The following FAM13A variants were observed in gnomAD, a reference collection of about 807,000 sequenced individuals.
The protein encoded by FAM13A is family with sequence similarity 13 member A.
In FAM13A, 76 loss-of-function variants were observed where a neutral mutation model predicts 129.6. That is an observed-to-expected ratio of 0.59 (90% CI 0.49 to 0.71). FAM13A has a LOEUF of 0.71. Among genes scored for constraint, FAM13A ranks in the 30% least tolerant of loss-of-function variants. The pLI is 0.00. For synonymous variants in FAM13A, 443 were observed against 449.9 expected (o/e 0.98, Z 0.20); for missense variants, 1,108 against 1,249.3 (o/e 0.89, Z 1.70).
chr4:88,878,026 C>A (rs564736752), intron 6 of FAM13A, among the ~76,000 whole-genome samples: 79 of 152,186 alleles, frequency 5.2e-4, no homozygotes, highest in African/African-American at 1.5e-3. Flanking sequence ...CGGTGGCTCA[C>A]GCCTGTAATC....
chr4:89,054,537 C>T (rs955422041), intron 1 of FAM13A, among the ~76,000 whole-genome samples: 1 of 152,092 alleles, frequency 6.6e-6, no homozygotes, highest in African/African-American at 2.4e-5. Context: ...CTCTCTCTGC[C>T]TTTCCACTCT....
At chr4:88,840,532 G>C (rs1431697936) in intron 7 of FAM13A, among the ~76,000 whole-genome samples, 1 of 152,082 alleles carries the variant, frequency 6.6e-6, no homozygotes. Flanking sequence ...GAGACTCAGA[G>C]TACACATACA....
chr4:88,976,253 T>G lies in FAM13A; in HGVS notation c.605+14720A>C, dbSNP rs190334237. Among the ~76,000 whole-genome samples the G allele has an allele frequency of 4.5e-3, 679 of 152,298 alleles. 4 individuals are homozygous for G. The highest frequency in any genetic ancestry group is 0.01 in the Middle Eastern group (3 of 294). ...ACTATATATCTCTCCTGATGACCATTAACTGCCAGGCAGATGTTATTGCTT... is the reference window on the plus strand; with the variant it reads ...ACTATATATCTCTCCTGATGACCATGAACTGCCAGGCAGATGTTATTGCTT... On this transcript the variant is annotated intron_variant, in intron 4 of 23. Transcript: ENST00000264344.
At chr4:88,906,331 C>A (rs377397292) in intron 6 of FAM13A, 48 bp downstream of exon 6, 1 of 1,204,798 alleles carries the variant, frequency 8.3e-7, no homozygotes, top group Non-Finnish European at 1.2e-6. Context: ...AAACAAAGAA[C>A]CATGCTAAAG....
chr4:88,854,564 T>C (rs1422408674), intron 6 of FAM13A, among the ~76,000 whole-genome samples: 2 of 152,246 alleles, frequency 1.3e-5, no homozygotes, highest in Admixed American at 1.3e-4. Flanking sequence ...TTTGATCATT[T>C]AGTAACTTTT....
chr4:88,732,259 C>A, intron 21 of FAM13A, 61 bp from the exon 22 acceptor site: 3 of 1,203,390 alleles, frequency 2.5e-6, no homozygotes, highest in Non-Finnish European at 3.6e-6. Context: ...ACTTTCATTA[C>A]AAGTATCATT....
At chr4:88,854,223 G>A (rs73845470) in intron 6 of FAM13A, among the ~76,000 whole-genome samples, 31 of 152,210 alleles carry the variant, frequency 2.0e-4, no homozygotes, top group African/African-American at 7.0e-4. Flanking sequence ...TATTCTAATC[G>A]AGGGGAAGAC....
chr4:88,830,141 T>G (rs1456354160), intron 7 of FAM13A, among the ~76,000 whole-genome samples: 1 of 151,874 alleles, frequency 6.6e-6, no homozygotes, highest in African/African-American at 2.4e-5. Context: ...ACAGTTGAAG[T>G]GGGGGAAGGA....
At position 88,760,603 on chromosome 4, in the gene FAM13A, C is replaced by CAA. The variant is rs745711965; in HGVS notation, c.1579-1704_1579-1703dup. 6.4e-4 allele frequency among the ~76,000 whole-genome samples: 42 copies of CAA among 65,838 alleles called. 10 individuals carry two copies. The highest frequency in any genetic ancestry group is 2.8e-3 in the African/African-American group (28 of 10,034). 43.2% of individuals were successfully genotyped at this position (65,838 alleles called of 152,430 possible). On this transcript the variant is annotated intron_variant, in intron 13 of 23. Coordinates refer to ENST00000264344, the MANE Select transcript of FAM13A (RefSeq NM_014883.4). Reference sequence around the variant, plus strand: ...TGGGCGACAGAGCGAGACTCCGTCTCAAAAAAAAAAAAAAAAAAAAAAAAA... The same window carrying CAA: ...TGGGCGACAGAGCGAGACTCCGTCTCAAAAAAAAAAAAAAAAAAAAAAAAAAA...
chr4:88,883,744 A>G (rs1743970438), intron 6 of FAM13A, among the ~76,000 whole-genome samples: 3 of 152,178 alleles, frequency 2.0e-5, no homozygotes, highest in African/African-American at 7.2e-5. Context: ...CAAAACATAA[A>G]TAAAATTGAT....
intron 3 of FAM13A, among the ~76,000 whole-genome samples, chr4:89,002,766 G>A (rs1764431383): frequency 6.6e-6 from 1 of 152,054 alleles, no homozygotes; most frequent in African/African-American, 2.4e-5. Flanking sequence ...ACAGAGAAAA[G>A]AAGAAAACTT....
chr4:88,912,303 A>G (rs1025596333), intron 5 of FAM13A, among the ~76,000 whole-genome samples: 1 of 137,876 alleles, frequency 7.3e-6, no homozygotes, highest in African/African-American at 2.7e-5. Flanking sequence ...GGCAGAGGAA[A>G]GGTGAATTTG....
At chr4:88,846,842 C>T (rs1458392186) in intron 7 of FAM13A, among the ~76,000 whole-genome samples, 1 of 152,116 alleles carries the variant, frequency 6.6e-6, no homozygotes, top group Non-Finnish European at 1.5e-5. Context: ...TCCACACATG[C>T]ACATTTATTT....
chr4:88,811,301 C>T (rs984296402), intron 7 of FAM13A, among the ~76,000 whole-genome samples: 22 of 152,222 alleles, frequency 1.4e-4, no homozygotes, highest in Admixed American at 5.2e-4. Flanking sequence ...CACCACAGGA[C>T]GGTGTCAAGA....
At chr4:88,779,411 T>C (rs888628351) in intron 11 of FAM13A, among the ~76,000 whole-genome samples, 4 of 152,340 alleles carry the variant, frequency 2.6e-5, no homozygotes, top group East Asian at 1.9e-4. Flanking sequence ...TAGTCGTCGT[T>C]GTGTTCCCTG....
At chr4:88,791,065 C>G (rs1330360334) in intron 8 of FAM13A, among the ~76,000 whole-genome samples, 1 of 152,090 alleles carries the variant, frequency 6.6e-6, no homozygotes, top group Admixed American at 6.6e-5. Context: ...GAACATCTTT[C>G]TAAAACTCTG....
At chr4:88,967,781 C>T (rs1254087488) in intron 4 of FAM13A, among the ~76,000 whole-genome samples, 1 of 152,128 alleles carries the variant, frequency 6.6e-6, no homozygotes, top group Non-Finnish European at 1.5e-5. Flanking sequence ...CCACTGTGGG[C>T]AGGAGGTTGG....
intron 4 of FAM13A, among the ~76,000 whole-genome samples, chr4:88,949,124 A>G (rs1336266924): frequency 6.6e-6 from 1 of 152,064 alleles, no homozygotes; most frequent in East Asian, 1.9e-4. Context: ...AGTTATCCTC[A>G]CCTTTGTTTC....
At chr4:88,819,841 G>C (rs763713644) in intron 7 of FAM13A, among the ~76,000 whole-genome samples, 1 of 152,138 alleles carries the variant, frequency 6.6e-6, no homozygotes, top group Non-Finnish European at 1.5e-5. Context: ...AACTGGGACT[G>C]TTTAATTATC....
Sources: gnomAD v4.1 joint callset for allele counts (sites outside exome capture counted in the v4.1 genomes callset) on GRCh38, gnomAD v4.1.1 for gene constraint, MANE v1.5 for transcripts, NCBI Gene and HGNC (gene_info 2026-07-23, HGNC 2026-07-21) for gene names.